The following DPYD variants were observed in gnomAD, a reference collection of about 807,000 sequenced individuals.
DPYD encodes the protein dihydropyrimidine dehydrogenase.
A neutral mutation model predicts 116.2 loss-of-function variants in DPYD; 109 were observed. The observed-to-expected ratio is 0.94, with a 90% CI of 0.80 to 1.10. The LOEUF is 1.10. Among genes scored for constraint, DPYD ranks in the 50% least tolerant of loss-of-function variants. The pLI is 0.00. For missense variants in DPYD, 1,302 were observed against 1,254.5 expected, an observed-to-expected ratio of 1.04 and a Z score of -0.57; for synonymous variants, 440 against 432.0, an observed-to-expected ratio of 1.02 and a Z score of -0.23.
chr1:97,459,734 A>T (rs1192910693), intron 13 of DPYD, among the ~76,000 whole-genome samples: 2 of 152,168 alleles, frequency 1.3e-5, no homozygotes, highest in African/African-American at 4.8e-5. Flanking sequence ...AGTATATGGT[A>T]GAGAAAATTA....
intron 5 of DPYD, among the ~76,000 whole-genome samples, chr1:97,703,632 C>T (rs1396085757): frequency 3.3e-5 from 5 of 151,888 alleles, no homozygotes; most frequent in Non-Finnish European, 7.4e-5. Flanking sequence ...ATTAAAAATG[C>T]AAAGACCTCA....
chr1:97,173,925 T>C (rs1204200942), intron 20 of DPYD, among the ~76,000 whole-genome samples: 2 of 150,788 alleles, frequency 1.3e-5, no homozygotes, highest in Non-Finnish European at 2.9e-5. Flanking sequence ...TTTGCAATAC[T>C]AATGCCCTAC....
At chr1:97,629,855 T>C (rs1185005254) in intron 8 of DPYD, among the ~76,000 whole-genome samples, 1 of 152,082 alleles carries the variant, frequency 6.6e-6, no homozygotes, top group African/African-American at 2.4e-5. Context: ...ATGAAATTTA[T>C]ACTGGGGGCT....
chr1:97,472,170 C>A (rs546171183), intron 13 of DPYD, among the ~76,000 whole-genome samples: 9 of 152,154 alleles, frequency 5.9e-5, no homozygotes, highest in Non-Finnish European at 1.2e-4. Flanking sequence ...AGAAACTACT[C>A]GAAAGCATTT....
intron 14 of DPYD, chr1:97,394,004 T>G (rs537696266): frequency 6.6e-6 from 1 of 152,292 alleles, no homozygotes; most frequent in South Asian, 2.1e-4. Context: ...TGAGATGGTA[T>G]CTCATTGTGG....
rs542330011 is a variant in DPYD, at chr1:97,619,205, G to A, written c.851-24039C>T. ...AATTGTTTAGTTTCAAATCAATTAG[G>A]TAATCATAAAATATTTTCCTTTCTT... On this transcript the variant is annotated intron_variant, in intron 8 of 22. Transcript: ENST00000370192. Among the ~76,000 whole-genome samples the A allele has an allele frequency of 5.3e-5, 8 of 152,180 alleles. No individual in the cohort carries two copies. In the South Asian group the frequency reaches 1.7e-3, roughly 32 times the overall value.
At chr1:97,270,899 C>G (rs1664542732) in intron 18 of DPYD, among the ~76,000 whole-genome samples, 1 of 152,178 alleles carries the variant, frequency 6.6e-6, no homozygotes, top group Non-Finnish European at 1.5e-5. Flanking sequence ...CTACTACATA[C>G]CAGGTACTTT....
In DPYD at chr1:97,577,533, C is replaced by T. The variant is rs555568541; in HGVS notation, c.1129-3563G>A. 5.3e-5 allele frequency among the ~76,000 whole-genome samples: 8 copies of T among 152,226 alleles called. No individual in the cohort carries two copies. In the South Asian group the frequency reaches 1.7e-3, roughly 32 times the overall value. ...CTGGCCCGCAGGTCCCATTTTCTCT[C>T]TTTCTCTTTCTCTCTCTCCATGCAC... On this transcript the variant is annotated intron_variant, in intron 10 of 22. Transcript: ENST00000370192.
intron 1 of DPYD, among the ~76,000 whole-genome samples, chr1:97,886,678 C>A (rs554963452): frequency 6.6e-6 from 1 of 152,048 alleles, no homozygotes; most frequent in African/African-American, 2.4e-5. Context: ...AGAGGTCCCC[C>A]CAAAGGAACT....
At chr1:97,769,671 A>C (rs1666046983) in intron 3 of DPYD, among the ~76,000 whole-genome samples, 1 of 152,216 alleles carries the variant, frequency 6.6e-6, no homozygotes, top group African/African-American at 2.4e-5. Context: ...GTACTATCAA[A>C]CTTGAACATA....
At chr1:97,389,679 T>C (rs371632623) in intron 14 of DPYD, among the ~76,000 whole-genome samples, 1 of 152,176 alleles carries the variant, frequency 6.6e-6, no homozygotes, top group South Asian at 2.1e-4. Context: ...GACTTTCATT[T>C]TGACTAATTA....
intron 19 of DPYD, among the ~76,000 whole-genome samples, chr1:97,218,804 G>C (rs1271194368): frequency 6.6e-6 from 1 of 152,132 alleles, no homozygotes. Context: ...GGTCTAGTTT[G>C]TTGTGAACAC....
At chr1:97,218,403 T>C (rs1660555891) in intron 19 of DPYD, among the ~76,000 whole-genome samples, 4 of 151,760 alleles carry the variant, frequency 2.6e-5, no homozygotes, top group Admixed American at 2.6e-4. Flanking sequence ...GGTAGAGCAA[T>C]TCAGCTTTAA....
chr1:97,617,173 A>G (rs775148461), intron 8 of DPYD, among the ~76,000 whole-genome samples: 2 of 152,166 alleles, frequency 1.3e-5, no homozygotes, highest in Non-Finnish European at 2.9e-5. Flanking sequence ...AAGTATGAAG[A>G]AAACACACAT....
intron 18 of DPYD, among the ~76,000 whole-genome samples, chr1:97,257,743 T>A (rs1339957563): frequency 6.6e-6 from 1 of 152,000 alleles, no homozygotes; most frequent in Non-Finnish European, 1.5e-5. Flanking sequence ...TAAGTAGACA[T>A]TTATTGAATG....
At chr1:97,612,451 G>A (rs1004623319) in intron 8 of DPYD, among the ~76,000 whole-genome samples, 51 of 151,992 alleles carry the variant, frequency 3.4e-4, no homozygotes, top group Admixed American at 3.4e-3. Flanking sequence ...AAATGAAGGG[G>A]TTAATGGTAA....
At chr1:97,195,650 A>G (rs12086531) in intron 19 of DPYD, among the ~76,000 whole-genome samples, 737 of 13,866 alleles carry the variant, frequency 0.053, 54 homozygotes, top group South Asian at 0.14. Context: ...ATATATATAT[A>G]TATATATATA....
Position 97,186,598 on chromosome 1 carries a change from C to T in DPYD, c.2622+6471G>A, listed in dbSNP as rs189609508. 5.9e-5 allele frequency among the ~76,000 whole-genome samples: 9 copies of T among 152,266 alleles called. No individual in the cohort carries two copies. The East Asian group carries it at 1.7e-3, about 29-fold the overall frequency. ...GCACAGTGGCTCATGCTTGTAAGCC[C>T]AGAACTCTGGGAGGCTGAGGTGGGT... On this transcript the variant is annotated intron_variant, in intron 20 of 22. Coordinates refer to ENST00000370192, the MANE Select transcript of DPYD (RefSeq NM_000110.4).
At chr1:97,483,528 G>C (rs1337282146) in intron 13 of DPYD, among the ~76,000 whole-genome samples, 1 of 152,136 alleles carries the variant, frequency 6.6e-6, no homozygotes, top group Non-Finnish European at 1.5e-5. Flanking sequence ...CATTAGGGAA[G>C]ATAGTTAACG....
Sources: gnomAD v4.1 joint callset for allele counts (sites outside exome capture counted in the v4.1 genomes callset) on GRCh38, gnomAD v4.1.1 for gene constraint, MANE v1.5 for transcripts, NCBI Gene and HGNC (gene_info 2026-07-23, HGNC 2026-07-21) for gene names.